The following XPA variants were observed in gnomAD, a reference collection of about 807,000 sequenced individuals.
XPA encodes the protein XPA, DNA damage recognition and repair factor.
XPA carries 27 observed loss-of-function variants against 35.7 expected under a neutral mutation model. The observed-to-expected ratio is 0.76, with a 90% CI of 0.56 to 1.04. The LOEUF (loss-of-function observed/expected upper bound fraction) is 1.04. Among genes scored for constraint, XPA ranks in the 50% least tolerant of loss-of-function variants. XPA has a pLI of 0.00. For missense variants in XPA, 354 were observed against 342.7 expected (o/e 1.03, Z -0.26); for synonymous variants, 133 against 118.4 (o/e 1.12, Z -0.80).
At chr9:97,660,870 TCA>T in the XPA span, 2 of 1,480,132 alleles carry the variant, frequency 1.4e-6, no homozygotes, top group Non-Finnish European at 1.8e-6. Context: ...AAAATTTTTC[TCA>T]GTTATTTAAC....
chr9:97,659,140 A>C, the XPA span, among the ~76,000 whole-genome samples: 4 of 152,236 alleles, frequency 2.6e-5, no homozygotes, highest in African/African-American at 9.6e-5. Flanking sequence ...TAAATTCTTA[A>C]TTATGATTTT....
At chr9:97,660,107 C>T in the XPA span, among the ~76,000 whole-genome samples, 1 of 152,188 alleles carries the variant, frequency 6.6e-6, no homozygotes, top group African/African-American at 2.4e-5. Context: ...GGTTCCCCAG[C>T]TAGAATGTAG....
chr9:97,656,178 A>G, the XPA span: 12 of 1,040,200 alleles, frequency 1.2e-5, no homozygotes, highest in African/African-American at 9.6e-5. Context: ...ATTGGATTCA[A>G]AATCCACTTA....
the XPA span, among the ~76,000 whole-genome samples, chr9:97,664,150 G>A: frequency 3.3e-5 from 5 of 151,998 alleles, no homozygotes; most frequent in Admixed American, 1.3e-4. Context: ...CTCCACTCCC[G>A]CCTAGGTGAC....
At chr9:97,683,216 ACTAAT>A (rs999384238) in intron 5 of XPA, among the ~76,000 whole-genome samples, 3 of 152,146 alleles carry the variant, frequency 2.0e-5, no homozygotes, top group Admixed American at 6.5e-5. Flanking sequence ...CTAGTATATA[ACTAAT>A]CTATCACTCT....
At chr9:97,671,257 T>C (rs1243217757), downstream of XPA, 2 of 1,277,532 alleles carry the variant, frequency 1.6e-6, no homozygotes, top group Admixed American at 2.0e-5. Context: ...ATTTGTCTTA[T>C]TTTTTGATGG....
At chr9:97,688,888 A>G (rs1828798688) in intron 3 of XPA, among the ~76,000 whole-genome samples, 1 of 152,184 alleles carries the variant, frequency 6.6e-6, no homozygotes, top group African/African-American at 2.4e-5. Flanking sequence ...GGAACAGGTA[A>G]GAGGGCCAAC....
Position 97,697,115 on chromosome 9 carries a change from C to G in XPA, c.172+6G>C. The G allele has an allele frequency of 6.5e-7, 1 of 1,541,244 alleles. No homozygotes were observed. The highest frequency in any genetic ancestry group is 1.4e-5 in the African/African-American group (1 of 72,106). On this transcript the variant is annotated splice_donor_region_variant and intron_variant, in intron 1 of 5. Coordinates refer to ENST00000375128, the MANE Select transcript of XPA (RefSeq NM_000380.4). The stretch of plus-strand genomic sequence containing the variant: ...GGGAAGGGGAAAGCGCGGACGCGGC[C>G]CAAACCTCCAGTAGCCGCAGCCGCC...
chr9:97,658,512 TC>T, the XPA span: 1 of 692,816 alleles, frequency 1.4e-6, no homozygotes, highest in Non-Finnish European at 2.5e-6. Context: ...GATTTTTTTT[TC>T]CCTTTCACTT....
intron 5 of XPA, among the ~76,000 whole-genome samples, chr9:97,677,082 T>TCACGTAAGACGTCTGGC (rs3176741): frequency 2.6e-5 from 4 of 151,930 alleles, no homozygotes; most frequent in African/African-American, 9.7e-5. Flanking sequence ...AACTTGGTTC[T>TCACGTAAGACGTCTGGC]CACCTTATCC....
intron 5 of XPA, among the ~76,000 whole-genome samples, chr9:97,683,793 A>G (rs1479175684): frequency 1.3e-5 from 2 of 152,200 alleles, no homozygotes; most frequent in East Asian, 3.9e-4. Flanking sequence ...GTTCCTCACA[A>G]CAAGGAAGGC....
chr9:97,659,559 C>A, the XPA span, among the ~76,000 whole-genome samples: 2 of 152,206 alleles, frequency 1.3e-5, no homozygotes, highest in Non-Finnish European at 2.9e-5. Context: ...GAGGAAATGA[C>A]TTCCAAGAGG....
In XPA at chr9:97,675,562, G is replaced by A. The variant is rs751657405; in HGVS notation, c.699C>T (p.Ser233=). The change falls in exon 6 of 6, where the codon AGC becomes AGT. Residue 233 remains serine, a synonymous_variant. Coordinates refer to ENST00000375128, the MANE Select transcript of XPA (RefSeq NM_000380.4). ...GAACAATCGTCTCCCTTTTCCACAC[G>A]CTGCTTCTTACTGCTCGCCGCAATT... is the stretch of plus-strand genomic sequence containing the variant. ...VKELRRAVRS[S]VWKRETIVHQ... is the part of the protein sequence containing the mutation. The A allele has an allele frequency of 4.4e-5, 71 of 1,613,412 alleles. No individual in the cohort carries two copies. Among genetic ancestry groups the A allele is most frequent in the Non-Finnish European group, 5.7e-5 (67 of 1,179,882 alleles).
chr9:97,694,489 A>C (rs1235346675), intron 1 of XPA, among the ~76,000 whole-genome samples: 2 of 152,266 alleles, frequency 1.3e-5, no homozygotes, highest in African/African-American at 2.4e-5. Context: ...GAGGATATCC[A>C]AACGGCCAAA....
chr9:97,688,202 C>G (rs1336401253), intron 3 of XPA, among the ~76,000 whole-genome samples: 2 of 152,148 alleles, frequency 1.3e-5, no homozygotes, highest in African/African-American at 4.8e-5. Context: ...GACCACGTTC[C>G]TTTCTGGAGG....
At chr9:97,694,139 T>C (rs780623340) in intron 1 of XPA, among the ~76,000 whole-genome samples, 5 of 152,200 alleles carry the variant, frequency 3.3e-5, no homozygotes, top group Non-Finnish European at 5.9e-5. Context: ...AGAAATATAC[T>C]GTGTATGGAT....
the XPA span, chr9:97,655,679 C>T: frequency 1.3e-6 from 2 of 1,584,584 alleles, no homozygotes; most frequent in African/African-American, 1.4e-5. Context: ...TTTTCTCTGC[C>T]TACCTCCCCC....
the XPA span, among the ~76,000 whole-genome samples, chr9:97,664,007 C>T: frequency 6.6e-6 from 1 of 151,514 alleles, no homozygotes; most frequent in Non-Finnish European, 1.5e-5. Context: ...AGTGAAACCC[C>T]GTCTATACTA....
the XPA span, among the ~76,000 whole-genome samples, chr9:97,657,926 A>ATTT: frequency 2.2e-4 from 20 of 91,400 alleles, 1 homozygote; most frequent in East Asian, 9.1e-4. Context: ...ATATATATAT[A>ATTT]TTTTTTTTTT....
Sources: gnomAD v4.1 joint callset for allele counts (sites outside exome capture counted in the v4.1 genomes callset) on GRCh38, gnomAD v4.1.1 for gene constraint, MANE v1.5 for transcripts, NCBI Gene and HGNC (gene_info 2026-07-23, HGNC 2026-07-21) for gene names.